The following NOS1AP variants were observed in gnomAD, a reference collection of about 807,000 sequenced individuals.
NOS1AP encodes the protein carboxyl-terminal PDZ ligand of neuronal nitric oxide synthase protein.
Under a neutral mutation model 56.2 loss-of-function variants are expected in NOS1AP, and 21 were observed. The observed-to-expected ratio is 0.37, with a 90% CI of 0.26 to 0.54. NOS1AP has a LOEUF of 0.54. Among genes scored for constraint, NOS1AP ranks in the 20% least tolerant of loss-of-function variants. The probability of loss-of-function intolerance (pLI) is 0.84; values close to 1 mark genes in which losing one functional copy is unlikely to be tolerated. For missense variants in NOS1AP, 522 were observed against 657.8 expected (o/e 0.79, Z 2.26); for synonymous variants, 270 against 274.6 (o/e 0.98, Z 0.17).
chr1:162,212,954 G>T (rs910293951), intron 2 of NOS1AP, among the ~76,000 whole-genome samples: 1 of 152,192 alleles, frequency 6.6e-6, no homozygotes, highest in Admixed American at 6.5e-5. Flanking sequence ...TCACACAGCT[G>T]CCTTGAGCCC....
At chr1:162,178,829 A>G (rs769570993) in intron 2 of NOS1AP, among the ~76,000 whole-genome samples, 1 of 152,240 alleles carries the variant, frequency 6.6e-6, no homozygotes, top group African/African-American at 2.4e-5. Context: ...TGCTCAGCCT[A>G]TGCTGGCCTA....
At chr1:162,191,316 C>T (rs972997285) in intron 2 of NOS1AP, among the ~76,000 whole-genome samples, 2 of 152,176 alleles carry the variant, frequency 1.3e-5, no homozygotes, top group African/African-American at 4.8e-5. Context: ...TGCTTCTTTC[C>T]TGGGGTAGGG....
chr1:162,313,607 C>T (rs1192957029), intron 4 of NOS1AP, among the ~76,000 whole-genome samples: 1 of 152,188 alleles, frequency 6.6e-6, no homozygotes, highest in African/African-American at 2.4e-5. Flanking sequence ...GAAAGAAACT[C>T]CTGTCAGTGA....
intron 2 of NOS1AP, among the ~76,000 whole-genome samples, chr1:162,210,548 C>G (rs573350877): frequency 6.6e-6 from 1 of 152,194 alleles, no homozygotes; most frequent in African/African-American, 2.4e-5. Context: ...CAGCATCTTT[C>G]TGTGAAGTCC....
intron 2 of NOS1AP, among the ~76,000 whole-genome samples, chr1:162,193,993 C>T (rs1022939989): frequency 6.6e-6 from 1 of 152,162 alleles, no homozygotes; most frequent in African/African-American, 2.4e-5. Context: ...GCTGAGGCCT[C>T]CCGTCTCACA....
chr1:162,087,433 A>G (rs2102019838), intron 1 of NOS1AP, among the ~76,000 whole-genome samples: 1 of 152,220 alleles, frequency 6.6e-6, no homozygotes, highest in East Asian at 1.9e-4. Flanking sequence ...CTCTTTATTC[A>G]GCATGGAAGC....
At position 162,163,926 on chromosome 1, in the gene NOS1AP, A is replaced by G. The variant is rs191624245; in HGVS notation, c.177+9450A>G. Among the ~76,000 whole-genome samples, 93 of 152,322 alleles carry G rather than the reference A, an allele frequency of 6.1e-4. 1 individual carries two copies. Among genetic ancestry groups the G allele is most frequent in the Admixed American group, 5.9e-3 (90 of 15,304 alleles). ...AGGAGGAGTTTGGTTCTGCTCTGGAAGTGAAGTGATTTGGGAATGATTTTT... is the reference window on the plus strand; with the variant it reads ...AGGAGGAGTTTGGTTCTGCTCTGGAGGTGAAGTGATTTGGGAATGATTTTT... On this transcript the variant is annotated intron_variant, in intron 2 of 9. Transcript: ENST00000361897.
intron 1 of NOS1AP, among the ~76,000 whole-genome samples, chr1:162,107,324 A>G (rs1647551289): frequency 6.6e-6 from 1 of 152,188 alleles, no homozygotes; most frequent in African/African-American, 2.4e-5. Context: ...TCATGGAAAC[A>G]TGCAAATTTT....
intron 6 of NOS1AP, among the ~76,000 whole-genome samples, chr1:162,351,395 A>T (rs1657489928): frequency 6.6e-6 from 1 of 152,186 alleles, no homozygotes; most frequent in African/African-American, 2.4e-5. Context: ...TTGCCCTATG[A>T]CACTGAACAG....
At chr1:162,239,713 T>C (rs1653421641) in intron 2 of NOS1AP, among the ~76,000 whole-genome samples, 1 of 152,036 alleles carries the variant, frequency 6.6e-6, no homozygotes, top group Non-Finnish European at 1.5e-5. Context: ...CTAAGACAGA[T>C]GGGCTAACAG....
intron 1 of NOS1AP, among the ~76,000 whole-genome samples, chr1:162,072,843 G>A (rs2102007781): frequency 6.6e-6 from 1 of 152,298 alleles, no homozygotes; most frequent in East Asian, 1.9e-4. Context: ...GGGATTTCAG[G>A]GTTAAATCCA....
At chr1:162,294,825 G>C (rs988939626) in intron 3 of NOS1AP, among the ~76,000 whole-genome samples, 1 of 152,202 alleles carries the variant, frequency 6.6e-6, no homozygotes, top group East Asian at 1.9e-4. Context: ...CAGAATGCTA[G>C]ACAGTTGCCC....
intron 2 of NOS1AP, among the ~76,000 whole-genome samples, chr1:162,166,171 G>T (rs545763688): frequency 6.6e-6 from 1 of 152,122 alleles, no homozygotes; most frequent in African/African-American, 2.4e-5. Flanking sequence ...GACAGCTGCC[G>T]CAGTGCCCTC....
intron 2 of NOS1AP, among the ~76,000 whole-genome samples, chr1:162,190,252 G>A (rs915829233): frequency 4.6e-5 from 7 of 152,110 alleles, no homozygotes; most frequent in East Asian, 1.9e-4. Context: ...ACTTGGCTCC[G>A]CCATCTCTCT....
intron 2 of NOS1AP, among the ~76,000 whole-genome samples, chr1:162,239,460 C>G (rs377479752): frequency 3.3e-5 from 5 of 152,212 alleles, no homozygotes; most frequent in Non-Finnish European, 5.9e-5. Context: ...TGGTGCCTGT[C>G]ACCAAAAGGA....
intron 1 of NOS1AP, among the ~76,000 whole-genome samples, chr1:162,143,490 A>G (rs1158632728): frequency 6.6e-6 from 1 of 152,070 alleles, no homozygotes; most frequent in African/African-American, 2.4e-5. Flanking sequence ...TTTGATCTGC[A>G]TTATCTAATT....
intron 4 of NOS1AP, among the ~76,000 whole-genome samples, chr1:162,308,468 G>A (rs1409401665): frequency 6.6e-6 from 1 of 152,178 alleles, no homozygotes; most frequent in Non-Finnish European, 1.5e-5. Context: ...ACAACACCTA[G>A]TGTCTGCTTT....
intron 5 of NOS1AP, 30 bp from the exon 6 acceptor site, chr1:162,343,805 C>G: frequency 1.2e-6 from 2 of 1,613,846 alleles, no homozygotes; most frequent in Non-Finnish European, 1.7e-6. Context: ...CATCCTCACC[C>G]ATCCTGTTCT....
At position 162,183,831 on chromosome 1, in the gene NOS1AP, A is replaced by G. The variant is rs182588739; in HGVS notation, c.177+29355A>G. ...TGTGGCTGGTTTGATTTGTCTATCT[A>G]GACTGTCCAAACTTTTTCCATATCA... On this transcript the variant is annotated intron_variant, in intron 2 of 9. Transcript: ENST00000361897. Among the ~76,000 whole-genome samples the G allele has an allele frequency of 2.3e-3, 355 of 152,320 alleles. 6 individuals are homozygous for G. The highest frequency in any genetic ancestry group is 8.0e-3 in the African/African-American group (333 of 41,584).
Sources: gnomAD v4.1 joint callset for allele counts (sites outside exome capture counted in the v4.1 genomes callset) on GRCh38, gnomAD v4.1.1 for gene constraint, MANE v1.5 for transcripts, NCBI Gene and HGNC (gene_info 2026-07-23, HGNC 2026-07-21) for gene names.